CHAC2: variants seen among roughly 807,000 people sequenced by gnomAD.
CHAC2 encodes the protein glutathione-specific gamma-glutamylcyclotransferase 2.
CHAC2 carries 20 observed loss-of-function variants against 16.9 expected under a neutral mutation model. That is an observed-to-expected ratio of 1.18 (90% confidence interval 0.83 to 1.72). The LOEUF (loss-of-function observed/expected upper bound fraction) is 1.72, where lower values mean the gene tolerates loss of function less well. Among genes scored for constraint, CHAC2 ranks in the 40% most tolerant of loss-of-function variants. The pLI is 0.00. For synonymous variants in CHAC2, 91 were observed against 77.3 expected (o/e 1.18, Z -0.93); for missense variants, 269 against 222.2 (o/e 1.21, Z -1.34).
chr2:53,774,166 A>G lies in CHAC2; in HGVS notation c.196A>G (p.Arg66Gly), dbSNP rs1275632212. ...PAGCVWGVAYRLPVGKEEEVK... is the reference protein window; with the variant it reads ...PAGCVWGVAYGLPVGKEEEVK... ...GGGATGTGTATGGGGTGTTGCTTAC[A>G]GATTGCCAGTAGGAAAGGAAGAAGA... Residue 66 changes from arginine (R) to glycine (G), a missense_variant, in exon 3 of 3, where the codon AGA (arginine) becomes GGA (glycine). Transcript: ENST00000295304. The G allele has an allele frequency of 6.2e-7, 1 of 1,611,076 alleles. No individual in the cohort carries two copies. The highest frequency in any genetic ancestry group is 8.5e-7 in the Non-Finnish European group (1 of 1,178,710).
Position 53,767,907 on chromosome 2 carries a change from G to T in CHAC2, c.21G>T (p.Gly7=). The change falls in exon 1 of 3, where the codon GGG becomes GGT. Residue 7 remains glycine, a synonymous_variant. Coordinates refer to ENST00000295304, the MANE Select transcript of CHAC2 (RefSeq NM_001008708.4). Reference sequence around the variant, plus strand: ...AGAAGATGTGGGTTTTTGGTTACGGGTCCCTGATCTGGAAGGTGGATTTCC... The same window carrying T: ...AGAAGATGTGGGTTTTTGGTTACGGTTCCCTGATCTGGAAGGTGGATTTCC... MWVFGY[G]SLIWKVDFPY... 1 of 1,612,966 alleles carries T rather than the reference G, an allele frequency of 6.2e-7. No homozygotes were observed. Among genetic ancestry groups the T allele is most frequent in the East Asian group, 2.2e-5 (1 of 44,838 alleles).
intron 1 of CHAC2, 52 bp from the exon 2 acceptor site, chr2:53,771,855 C>G: frequency 9.8e-7 from 1 of 1,019,570 alleles, no homozygotes. Flanking sequence ...TGCTCAGCTA[C>G]TTAATGAACT....
Position 53,774,750 on chromosome 2 carries a change from C to T in CHAC2, c.*225C>T, listed in dbSNP as rs927201585. 9 of 378,576 alleles carry T rather than the reference C, an allele frequency of 2.4e-5. No homozygotes were observed. Among genetic ancestry groups the T allele is most frequent in the Non-Finnish European group, 3.7e-5 (8 of 214,814 alleles). 23.5% of individuals were successfully genotyped at this position (378,576 alleles called of 1,614,324 possible). On this transcript the variant is annotated 3_prime_UTR_variant, in exon 3 of 3. Transcript: ENST00000295304. ...CTTTATGTTATTGAACACTTACTCA[C>T]TAGAAGTGAGTTCTTTAGAAAAATA... is the stretch of plus-strand genomic sequence containing the variant.
chr2:53,767,795 C>T (rs1340475671), upstream of CHAC2: 3 of 1,490,936 alleles, frequency 2.0e-6, no homozygotes, highest in South Asian at 1.3e-5. Flanking sequence ...GCGCCCCGCG[C>T]GGCCGGTTAC....
At position 53,774,681 on chromosome 2, in the gene CHAC2, A is replaced by G. The variant is rs775167067; in HGVS notation, c.*156A>G. The G allele has an allele frequency of 2.2e-4, 125 of 559,788 alleles. No homozygotes were observed. The highest frequency in any genetic ancestry group is 3.2e-4 in the Non-Finnish European group (112 of 348,580). The allele number at this position is 559,788 out of a possible 1,614,324, so 34.7% of individuals were successfully genotyped here. A position where few individuals can be genotyped will look rare whatever the true frequency, so the allele number is the denominator to read the frequency against. On this transcript the variant is annotated 3_prime_UTR_variant, in exon 3 of 3. Coordinates refer to ENST00000295304, the MANE Select transcript of CHAC2 (RefSeq NM_001008708.4). Reference sequence around the variant, plus strand: ...ACACATATTTAAAATATTGGGATACAGTGAAAGAAAAATTCAAATTTTAAT... The same window carrying G: ...ACACATATTTAAAATATTGGGATACGGTGAAAGAAAAATTCAAATTTTAAT...
At position 53,767,956 on chromosome 2, in the gene CHAC2, T is replaced by C. The variant is rs1272411652; in HGVS notation, c.70T>C (p.Tyr24His). The C allele has an allele frequency of 3.1e-6, 5 of 1,614,028 alleles. No individual in the cohort carries two copies. The highest frequency in any genetic ancestry group is 1.1e-5 in the South Asian group (1 of 91,082). The change falls in exon 1 of 3, where the codon TAC becomes CAC. Residue 24 changes from tyrosine (Y) to histidine (H), a missense_variant. Coordinates refer to ENST00000295304, the MANE Select transcript of CHAC2 (RefSeq NM_001008708.4). The stretch of plus-strand genomic sequence containing the variant: ...CCCCTATCAGGACAAGCTGGTCGGA[T>C]ACATCACCAACTACAGCAGGCGCTT... ...DFPYQDKLVG[Y>H]ITNYSRRFWQ...
At position 53,767,945 on chromosome 2, in the gene CHAC2, A is replaced by G; in HGVS notation, c.59A>G (p.Lys20Arg). The change falls in exon 1 of 3, where the codon AAG becomes AGG. Residue 20 changes from lysine (K) to arginine (R), a missense_variant. Lys to Arg is a conservative substitution (Grantham distance 26). Coordinates refer to ENST00000295304, the MANE Select transcript of CHAC2 (RefSeq NM_001008708.4). ...AAGGTGGATTTCCCCTATCAGGACA[A>G]GCTGGTCGGATACATCACCAACTAC... The part of the protein sequence containing the change: ...IWKVDFPYQD[K>R]LVGYITNYSR... The G allele has an allele frequency of 6.2e-7, 1 of 1,614,142 alleles. No homozygotes were observed. The highest frequency in any genetic ancestry group is 8.5e-7 in the Non-Finnish European group (1 of 1,180,004).
At chr2:53,770,216 A>G (rs780029801) in intron 1 of CHAC2, among the ~76,000 whole-genome samples, 1 of 152,198 alleles carries the variant, frequency 6.6e-6, no homozygotes, top group Non-Finnish European at 1.5e-5. Context: ...ATATTATGCA[A>G]CTATTAAAAT....
chr2:53,774,020 C>T (rs1309780793), intron 2 of CHAC2, 122 bp from the exon 3 acceptor site: 14 of 1,118,704 alleles, frequency 1.3e-5, no homozygotes, highest in Non-Finnish European at 1.1e-5. Flanking sequence ...GGGCAACAGA[C>T]AAGACTTCAT....
Position 53,774,365 on chromosome 2 carries a change from T to C in CHAC2, c.395T>C (p.Phe132Ser), listed in dbSNP as rs1674180117. The C allele has an allele frequency of 1.2e-6, 2 of 1,613,510 alleles. No homozygotes were observed. Among genetic ancestry groups the C allele is most frequent in the Non-Finnish European group, 1.7e-6 (2 of 1,179,898 alleles). ...APLEDIAEQI[F>S]NAAGPSGRNT... is the part of the protein sequence containing the mutation. ...CTGGAAGACATTGCTGAACAAATTT[T>C]TAATGCAGCTGGTCCAAGTGGAAGA... The change falls in exon 3 of 3, where the codon TTT (phenylalanine) becomes TCT (serine). Residue 132 changes from phenylalanine to serine, a missense_variant. Transcript: ENST00000295304.
chr2:53,773,586 G>T (rs1485991194), intron 2 of CHAC2, among the ~76,000 whole-genome samples: 2 of 151,968 alleles, frequency 1.3e-5, no homozygotes, highest in African/African-American at 4.8e-5. Flanking sequence ...GCCTGCCACT[G>T]TGCCTGACTA....
chr2:53,769,238 C>G (rs1023053766), intron 1 of CHAC2, among the ~76,000 whole-genome samples: 2 of 152,174 alleles, frequency 1.3e-5, no homozygotes, highest in Middle Eastern at 3.2e-3. Flanking sequence ...TGGCTGGGCC[C>G]GGTAGCTCAC....
At chr2:53,772,898 C>A (rs1674043382) in intron 2 of CHAC2, among the ~76,000 whole-genome samples, 1 of 151,558 alleles carries the variant, frequency 6.6e-6, no homozygotes, top group Non-Finnish European at 1.5e-5. Context: ...CCCAGTAGAA[C>A]CTGTGATTTT....
intron 2 of CHAC2, 126 bp downstream of exon 2, chr2:53,772,068 T>C: frequency 3.3e-6 from 2 of 608,262 alleles, no homozygotes; most frequent in Non-Finnish European, 5.6e-6. Context: ...TTCTTCTCTG[T>C]ATTTGTGGGT....
intron 1 of CHAC2, among the ~76,000 whole-genome samples, chr2:53,770,819 A>T (rs1673850769): frequency 6.6e-6 from 1 of 152,242 alleles, no homozygotes; most frequent in African/African-American, 2.4e-5. Context: ...CTACACGAAT[A>T]GGCCAGTTCT....
At chr2:53,768,780 T>TA (rs1400898535) in intron 1 of CHAC2, among the ~76,000 whole-genome samples, 1 of 152,198 alleles carries the variant, frequency 6.6e-6, no homozygotes, top group Non-Finnish European at 1.5e-5. Context: ...AATCTCAATA[T>TA]ATGTATAGAG....
intron 1 of CHAC2, 35 bp downstream of exon 1, chr2:53,768,056 C>G: frequency 6.2e-7 from 1 of 1,607,244 alleles, no homozygotes; most frequent in Non-Finnish European, 8.5e-7. Flanking sequence ...ACTTACTGCC[C>G]CCTGACCCCT....
rs772004181 is a variant in CHAC2, at chr2:53,774,322, T to C, written c.352T>C (p.Tyr118His). ...TATTGGAACATGTGATAATCCTGATTATCTTGGTCCTGCACCTCTGGAAGA... is the reference window on the plus strand; with the variant it reads ...TATTGGAACATGTGATAATCCTGATCATCTTGGTCCTGCACCTCTGGAAGA... ...LYIGTCDNPD[Y>H]LGPAPLEDIA... is the part of the protein sequence containing the mutation. Residue 118 changes from tyrosine (Y) to histidine (H), a missense_variant, in exon 3 of 3, where the codon TAT (tyrosine) becomes CAT (histidine). Physicochemically the swap from Tyr to His is moderately conservative, Grantham distance 83. Coordinates refer to ENST00000295304, the MANE Select transcript of CHAC2 (RefSeq NM_001008708.4). 6.2e-7 allele frequency: 1 copy of C among 1,613,654 alleles called. No homozygotes were observed. Among genetic ancestry groups the C allele is most frequent in the Non-Finnish European group, 8.5e-7 (1 of 1,179,950 alleles).
At chr2:53,768,078 CCA>C in intron 1 of CHAC2, 57 bp downstream of exon 1, 1 of 1,590,064 alleles carries the variant, frequency 6.3e-7, no homozygotes. Flanking sequence ...CTCCCCAACT[CCA>C]CACACAGCAC....
Sources: gnomAD v4.1 joint callset for allele counts (sites outside exome capture counted in the v4.1 genomes callset) on GRCh38, gnomAD v4.1.1 for gene constraint, MANE v1.5 for transcripts, NCBI Gene and HGNC (gene_info 2026-07-23, HGNC 2026-07-21) for gene names.